The following ADAMTSL3 variants were observed in gnomAD, a reference collection of about 807,000 sequenced individuals.
ADAMTSL3 encodes ADAMTS-like protein 3.
Under a neutral mutation model 201.7 loss-of-function variants are expected in ADAMTSL3, and 128 were observed. The observed-to-expected ratio is 0.63, with a 90% CI of 0.55 to 0.73. The LOEUF is 0.73. Ranked by LOEUF, ADAMTSL3 falls within the 30% of genes least tolerant of loss-of-function variation. The pLI, the probability that ADAMTSL3 is intolerant of heterozygous loss-of-function variation, is 0.00. For synonymous variants in ADAMTSL3, 738 were observed against 748.4 expected, an observed-to-expected ratio of 0.99 and a Z score of 0.23; for missense variants, 1,990 against 2,119.6, an observed-to-expected ratio of 0.94 and a Z score of 1.20.
At chr15:83,987,714 A>G (rs1173881207) in intron 21 of ADAMTSL3, among the ~76,000 whole-genome samples, 1 of 152,204 alleles carries the variant, frequency 6.6e-6, no homozygotes. Flanking sequence ...TGTTCTGGAA[A>G]CAGTTAAGGT....
intron 23 of ADAMTSL3, among the ~76,000 whole-genome samples, chr15:84,007,940 G>T (rs2141877841): frequency 6.6e-6 from 1 of 152,226 alleles, no homozygotes; most frequent in Admixed American, 6.5e-5. Flanking sequence ...TCCATTTATA[G>T]CAAAGTGCCT....
intron 20 of ADAMTSL3, among the ~76,000 whole-genome samples, chr15:83,974,969 C>G (rs982700662): frequency 6.8e-6 from 1 of 148,042 alleles, no homozygotes; most frequent in African/African-American, 2.5e-5. Flanking sequence ...CCTGTGGTCT[C>G]TCTCCTTGTA....
intron 23 of ADAMTSL3, among the ~76,000 whole-genome samples, chr15:84,012,721 A>C (rs1484624244): frequency 6.6e-6 from 1 of 152,262 alleles, no homozygotes; most frequent in Non-Finnish European, 1.5e-5. Context: ...TGAAAGGATG[A>C]GAATCTTGGG....
intron 7 of ADAMTSL3, among the ~76,000 whole-genome samples, chr15:83,856,333 TA>T (rs555122617): frequency 1.3e-5 from 2 of 149,962 alleles, no homozygotes; most frequent in Non-Finnish European, 3.0e-5. Context: ...ATACCCACAT[TA>T]AAAAAAAATT....
At chr15:83,777,408 C>T (rs1230393696) in intron 4 of ADAMTSL3, among the ~76,000 whole-genome samples, 1 of 152,166 alleles carries the variant, frequency 6.6e-6, no homozygotes, top group Non-Finnish European at 1.5e-5. Flanking sequence ...CCCTGCAGTG[C>T]AGTGGATTCC....
Position 83,870,807 on chromosome 15 carries a change from G to A in ADAMTSL3, c.808G>A (p.Glu270Lys). The A allele has an allele frequency of 6.4e-7, 1 of 1,568,300 alleles. No individual in the cohort carries two copies. Among genetic ancestry groups the A allele is most frequent in the Non-Finnish European group, 8.6e-7 (1 of 1,163,444 alleles). Residue 270 changes from glutamate (E) to lysine (K), a missense_variant, in exon 9 of 30, where the codon GAA (glutamate) becomes AAA (lysine). By Grantham distance (56) the Glu-to-Lys change is moderately conservative. Transcript: ENST00000286744. Reference sequence around the variant, plus strand: ...ATCATATATTTTAATTTTAGTTATTGAATCAAAAACACTTCAAGGAAGCAA... The same window carrying A: ...ATCATATATTTTAATTTTAGTTATTAAATCAAAAACACTTCAAGGAAGCAA... Reference protein sequence around the residue: ...TVKGPAHLFIESKTLQGSKGE... With the variant: ...TVKGPAHLFIKSKTLQGSKGE...
chr15:83,724,319 C>T (rs1218427224), intron 3 of ADAMTSL3, among the ~76,000 whole-genome samples: 10 of 151,968 alleles, frequency 6.6e-5, no homozygotes, highest in Middle Eastern at 3.4e-3. Context: ...AGGATGGTCT[C>T]GATCTCCTGA....
At position 83,714,901 on chromosome 15, in the gene ADAMTSL3, CCTT is replaced by C. The variant is rs1251106980; in HGVS notation, c.189+10395_189+10397del. Among the ~76,000 whole-genome samples, 338 of 61,840 alleles carry C rather than the reference CCTT, an allele frequency of 5.5e-3. 2 individuals are homozygous for C. Among genetic ancestry groups the C allele is most frequent in the Non-Finnish European group, 8.2e-3 (259 of 31,406 alleles). The allele number at this position is 61,840 out of a possible 152,430, so 40.6% of individuals were successfully genotyped here. ...CCCTTCCTTCCTTCCTTCCTTCCTT[CCTT>C]CCTTCCTTCCTTCCTTCCTTCCTTC... is the stretch of plus-strand genomic sequence containing the variant. On this transcript the variant is annotated intron_variant, in intron 3 of 29. Coordinates refer to ENST00000286744, the MANE Select transcript of ADAMTSL3 (RefSeq NM_207517.3).
At chr15:83,907,224 A>G (rs72748605) in intron 15 of ADAMTSL3, among the ~76,000 whole-genome samples, 18,539 of 152,158 alleles carry the variant, frequency 0.12, 1,301 homozygotes, top group East Asian at 0.35. Flanking sequence ...ATGTTTTCCT[A>G]CATGAGCTAT....
chr15:83,980,614 G>A (rs1256459762), intron 20 of ADAMTSL3, among the ~76,000 whole-genome samples: 2 of 152,124 alleles, frequency 1.3e-5, no homozygotes, highest in Non-Finnish European at 2.9e-5. Flanking sequence ...TCCACTTAGA[G>A]ATGATGTGAC....
chr15:83,996,780 CAAAAAAAAAAAAAAAAAA>C (rs35758954), intron 23 of ADAMTSL3, among the ~76,000 whole-genome samples: 4 of 33,840 alleles, frequency 1.2e-4, no homozygotes, highest in Non-Finnish European at 1.5e-4. Flanking sequence ...GACTCTGCCT[CAAAAAAAAAAAAAAAAAA>C]AAAAAAAAAG....
intron 17 of ADAMTSL3, among the ~76,000 whole-genome samples, chr15:83,924,875 C>T (rs534652973): frequency 6.6e-6 from 1 of 152,266 alleles, no homozygotes; most frequent in East Asian, 1.9e-4. Context: ...TAACCTCCTG[C>T]CTCTCCTACC....
At chr15:83,873,831 A>G (rs2065126521) in intron 9 of ADAMTSL3, among the ~76,000 whole-genome samples, 1 of 146,016 alleles carries the variant, frequency 6.8e-6, no homozygotes, top group Non-Finnish European at 1.5e-5. Context: ...CAGCAGTGGT[A>G]TGGCAGGTGA....
At chr15:83,689,360 C>T (rs1242372106) in intron 2 of ADAMTSL3, among the ~76,000 whole-genome samples, 1 of 152,198 alleles carries the variant, frequency 6.6e-6, no homozygotes, top group African/African-American at 2.4e-5. Context: ...ACTCTCTGCT[C>T]AGATGTATGC....
In ADAMTSL3 at chr15:83,820,506, C is replaced by T. The variant is rs1260089781; in HGVS notation, c.600+459C>T. ...AAAAGGGATGGGGCCCAAAGATTTG[C>T]ATTTCTAACAAGTTCTCTGGAGATA... On this transcript the variant is annotated intron_variant, in intron 6 of 29. Transcript: ENST00000286744. 2.6e-5 allele frequency among the ~76,000 whole-genome samples: 4 copies of T among 152,334 alleles called. No homozygotes were observed. The Middle Eastern group carries it at 0.01, about 389-fold the overall frequency.
intron 15 of ADAMTSL3, among the ~76,000 whole-genome samples, chr15:83,900,396 T>A (rs527622193): frequency 6.6e-6 from 1 of 152,320 alleles, no homozygotes; most frequent in Non-Finnish European, 1.5e-5. Context: ...AAAGAAGCAT[T>A]CTGGAGGCAG....
chr15:83,753,282 T>A (rs982780300), intron 3 of ADAMTSL3, among the ~76,000 whole-genome samples: 1 of 152,176 alleles, frequency 6.6e-6, no homozygotes, highest in African/African-American at 2.4e-5. Flanking sequence ...AGCTTTTCAA[T>A]TTTTTTGTGC....
chr15:83,924,670 G>A (rs1049575864), intron 17 of ADAMTSL3, among the ~76,000 whole-genome samples: 1 of 152,162 alleles, frequency 6.6e-6, no homozygotes, highest in African/African-American at 2.4e-5. Context: ...AAGAGAAGTA[G>A]CTTGTTCTCA....
chr15:83,665,043 A>G (rs151324017), intron 2 of ADAMTSL3, among the ~76,000 whole-genome samples: 3 of 152,298 alleles, frequency 2.0e-5, no homozygotes, highest in East Asian at 3.9e-4. Flanking sequence ...ATGGGGACAC[A>G]CTTCAGCAAA....
Sources: gnomAD v4.1 joint callset for allele counts (sites outside exome capture counted in the v4.1 genomes callset) on GRCh38, gnomAD v4.1.1 for gene constraint, MANE v1.5 for transcripts, NCBI Gene and HGNC (gene_info 2026-07-23, HGNC 2026-07-21) for gene names.